Variants in PAQR3 observed in about 807,000 individuals in gnomAD.
PAQR3 encodes the protein Raf kinase trapping to Golgi.
Under a neutral mutation model 41.7 loss-of-function variants are expected in PAQR3, and 39 were observed. The ratio of observed to expected loss-of-function variants is 0.93; its 90% CI spans 0.72 to 1.22. The LOEUF (loss-of-function observed/expected upper bound fraction) is 1.22, where lower values mean the gene tolerates loss of function less well. PAQR3 is among the 50% of genes most tolerant of loss of function. PAQR3 has a pLI of 0.00. For synonymous variants in PAQR3, 140 were observed against 140.6 expected (o/e 1.00, Z 0.03); for missense variants, 366 against 385.6 (o/e 0.95, Z 0.42).
At position 78,930,461 on chromosome 4, in the gene PAQR3, A is replaced by C. The variant is rs534339954; in HGVS notation, c.349-136T>G. 1.2e-4 allele frequency: 105 copies of C among 862,526 alleles called. No individual in the cohort carries two copies. The African/African-American group carries it at 1.5e-3, about 12-fold the overall frequency. 53.4% of individuals were successfully genotyped at this position (862,526 alleles called of 1,614,324 possible). On this transcript the variant is annotated intron_variant, in intron 2 of 5. Coordinates refer to ENST00000512733, the MANE Select transcript of PAQR3 (RefSeq NM_001040202.2). Reference sequence around the variant, plus strand: ...GGCTTGGATTCTAGCTCTGTGCCTTACATGGCTACTGTAGAGCTCACTCTA... The same window carrying C: ...GGCTTGGATTCTAGCTCTGTGCCTTCCATGGCTACTGTAGAGCTCACTCTA...
intron 4 of PAQR3, 29 bp downstream of exon 4, chr4:78,926,491 AG>A: frequency 6.4e-7 from 1 of 1,553,416 alleles, no homozygotes; most frequent in African/African-American, 1.4e-5. Context: ...AAAAAAAAAA[AG>A]AGAAAAATAT....
At chr4:78,893,072 G>T (rs1733526908) in intron 11 of PAQR3, among the ~76,000 whole-genome samples, 1 of 152,192 alleles carries the variant, frequency 6.6e-6, no homozygotes, top group Non-Finnish European at 1.5e-5. Flanking sequence ...ATCCACAGTA[G>T]AACTTCTTCC....
intron 11 of PAQR3, among the ~76,000 whole-genome samples, chr4:78,903,872 G>A (rs1336299111): frequency 4.6e-5 from 7 of 151,824 alleles, no homozygotes; most frequent in Admixed American, 3.3e-4. Context: ...TTTTGCTGGT[G>A]ATAATATTCT....
At chr4:78,920,733 A>T in intron 5 of PAQR3, 52 bp from the exon 6 acceptor site, 1 of 1,543,914 alleles carries the variant, frequency 6.5e-7, no homozygotes, top group Non-Finnish European at 8.8e-7. Context: ...GTTGACATTA[A>T]AGGAAAAATA....
intron 11 of PAQR3, among the ~76,000 whole-genome samples, chr4:78,901,897 A>G (rs28489278): frequency 0.092 from 14,041 of 152,182 alleles, 1,020 homozygotes; most frequent in East Asian, 0.21. Flanking sequence ...AACTTCCTCA[A>G]TGCTCCCAAA....
downstream of PAQR3, chr4:78,911,488 C>T (rs1335782363): frequency 1.2e-6 from 2 of 1,613,908 alleles, no homozygotes; most frequent in Non-Finnish European, 1.7e-6. Context: ...ACTGTCCTCT[C>T]GCCAAAGGCG....
At chr4:78,932,710 G>T (rs1578034782) in intron 2 of PAQR3, among the ~76,000 whole-genome samples, 1 of 151,410 alleles carries the variant, frequency 6.6e-6, no homozygotes, top group East Asian at 1.9e-4. Flanking sequence ...TTGTGAAAAA[G>T]AAAATAAAAA....
intron 11 of PAQR3, chr4:78,899,216 G>A (rs1324180291): frequency 6.6e-6 from 1 of 152,040 alleles, no homozygotes; most frequent in African/African-American, 2.4e-5. Flanking sequence ...AGATTTAGAG[G>A]GGCAGAATAT....
chr4:78,899,800 T>A (rs1733901250), intron 11 of PAQR3, among the ~76,000 whole-genome samples: 1 of 152,184 alleles, frequency 6.6e-6, no homozygotes, highest in Non-Finnish European at 1.5e-5. Flanking sequence ...GGAATCCTGA[T>A]TGCAGTGGAT....
intron 11 of PAQR3, among the ~76,000 whole-genome samples, chr4:78,891,739 C>G (rs1733451528): frequency 6.6e-6 from 1 of 152,154 alleles, no homozygotes; most frequent in Non-Finnish European, 1.5e-5. Flanking sequence ...ATCTTTCACT[C>G]TAAGAGTTTC....
chr4:78,933,049 C>T, intron 2 of PAQR3: 2 of 403,730 alleles, frequency 5.0e-6, no homozygotes, highest in Admixed American at 5.7e-5. Context: ...CTCCATTCTC[C>T]TAGGTTTCAA....
At position 78,916,615 on chromosome 4, in the gene PAQR3, G is replaced by A. The variant is rs1314665150; in HGVS notation, c.*3924C>T. 6.6e-6 allele frequency: 1 copy of A among 151,860 alleles called. No homozygotes were observed. The highest frequency in any genetic ancestry group is 2.4e-5 in the African/African-American group (1 of 41,410). The allele number at this position is 151,860 out of a possible 1,614,324, so 9.4% of individuals were successfully genotyped here. On this transcript the variant is annotated 3_prime_UTR_variant, in exon 6 of 6. Coordinates refer to ENST00000512733, the MANE Select transcript of PAQR3 (RefSeq NM_001040202.2). ...CACTTAATAGCACGACTTTTTCAGTGAGTCATAATTACTGATACTCGAGTG... is the reference window on the plus strand; with the variant it reads ...CACTTAATAGCACGACTTTTTCAGTAAGTCATAATTACTGATACTCGAGTG...
intron 2 of PAQR3, 84 bp from the exon 3 acceptor site, chr4:78,930,409 G>T: frequency 7.2e-7 from 1 of 1,384,818 alleles, no homozygotes; most frequent in Non-Finnish European, 9.7e-7. Context: ...TAGTTAAGAG[G>T]CTAGGCTTTC....
rs1392613595 is a variant in PAQR3, at chr4:78,913,639, T to C, written c.*6900A>G. On this transcript the variant is annotated 3_prime_UTR_variant, in exon 6 of 6. Transcript: ENST00000512733. ...GAGTAATTTTATTAGGAATCTCTTA[T>C]AGTGCCCCAATGGGATAAGCTATTT... 3.3e-5 allele frequency: 5 copies of C among 152,310 alleles called. No homozygotes were observed. In the South Asian group the frequency reaches 6.2e-4, roughly 19 times the overall value. The allele number at this position is 152,310 out of a possible 1,614,324, so 9.4% of individuals were successfully genotyped here.
At position 78,913,113 on chromosome 4, in the gene PAQR3, G is replaced by C. The variant is rs992799831; in HGVS notation, c.*7426C>G. On this transcript the variant is annotated 3_prime_UTR_variant, in exon 6 of 6. Coordinates refer to ENST00000512733, the MANE Select transcript of PAQR3 (RefSeq NM_001040202.2). ...TCACCAAATATTCCCCAAGTCATAAGCAACAATTATTTTTATTAGGTTTTG... is the reference window on the plus strand; with the variant it reads ...TCACCAAATATTCCCCAAGTCATAACCAACAATTATTTTTATTAGGTTTTG... The C allele has an allele frequency of 1.3e-5, 2 of 151,816 alleles. No homozygotes were observed. Among genetic ancestry groups the C allele is most frequent in the Non-Finnish European group, 2.9e-5 (2 of 67,968 alleles). 9.4% of individuals were successfully genotyped at this position (151,816 alleles called of 1,614,324 possible). A position where few individuals can be genotyped will look rare whatever the true frequency, so the allele number is the denominator to read the frequency against.
In PAQR3 at chr4:78,917,881, C is replaced by T. The variant is rs559703857; in HGVS notation, c.*2658G>A. On this transcript the variant is annotated 3_prime_UTR_variant, in exon 6 of 6. Transcript: ENST00000512733. Reference sequence around the variant, plus strand: ...ATTCCCTGAATCTTCGTTCCTGATTCTAAAATATGATTTTAAAGCTGTTAT... The same window carrying T: ...ATTCCCTGAATCTTCGTTCCTGATTTTAAAATATGATTTTAAAGCTGTTAT... 11 of 984,910 alleles carry T rather than the reference C, an allele frequency of 1.1e-5. No homozygotes were observed. Among genetic ancestry groups the T allele is most frequent in the African/African-American group, 7.0e-5 (4 of 57,106 alleles). 61.0% of individuals were successfully genotyped at this position (984,910 alleles called of 1,614,324 possible).
At position 78,923,868 on chromosome 4, in the gene PAQR3, C is replaced by G; in HGVS notation, c.782G>C (p.Arg261Pro). ...AAAGAGATACCTACCTGGAAAGTAC[C>G]GCTCTGGGACTTTGGAAATGTAGAA... Reference protein sequence around the residue: ...FLFYISKVPERYFPGQLNYLG... With the variant: ...FLFYISKVPEPYFPGQLNYLG... The change falls in exon 5 of 6, where the codon CGG becomes CCG. Residue 261 changes from arginine to proline, a missense_variant. Arg to Pro is a moderately radical substitution (Grantham distance 103, BLOSUM62 -2). Coordinates refer to ENST00000512733, the MANE Select transcript of PAQR3 (RefSeq NM_001040202.2). 6.2e-7 allele frequency: 1 copy of G among 1,610,162 alleles called. No individual in the cohort carries two copies. Among genetic ancestry groups the G allele is most frequent in the East Asian group, 2.2e-5 (1 of 44,844 alleles).
chr4:78,938,300 C>T (rs1467025529), intron 1 of PAQR3, among the ~76,000 whole-genome samples: 1 of 152,108 alleles, frequency 6.6e-6, no homozygotes, highest in Non-Finnish European at 1.5e-5. Flanking sequence ...AGTTATTTTT[C>T]AGTTTTGTTT....
intron 2 of PAQR3, among the ~76,000 whole-genome samples, chr4:78,934,901 A>T (rs1033986355): frequency 6.6e-6 from 1 of 152,242 alleles, no homozygotes; most frequent in African/African-American, 2.4e-5. Flanking sequence ...AGAAGAGGAA[A>T]GAAACAAATT....
Sources: gnomAD v4.1 joint callset for allele counts (sites outside exome capture counted in the v4.1 genomes callset) on GRCh38, gnomAD v4.1.1 for gene constraint, MANE v1.5 for transcripts, NCBI Gene and HGNC (gene_info 2026-07-23, HGNC 2026-07-21) for gene names.